VASH2: variants seen among roughly 807,000 people sequenced by gnomAD.
VASH2 encodes tubulinyl-Tyr carboxypeptidase 2.
VASH2 carries 28 observed loss-of-function variants against 37.2 expected under a neutral mutation model. The observed-to-expected ratio is 0.75, with a 90% CI of 0.56 to 1.03. The LOEUF is 1.03. Ranked by LOEUF, VASH2 falls within the 50% of genes least tolerant of loss-of-function variation. The pLI, the probability that VASH2 is intolerant of heterozygous loss-of-function variation, is 0.00. For missense variants in VASH2, 419 were observed against 459.1 expected, an observed-to-expected ratio of 0.91 and a Z score of 0.80; for synonymous variants, 188 against 174.7, an observed-to-expected ratio of 1.08 and a Z score of -0.60.
At chr1:212,982,746 C>A (rs1341304556) in intron 7 of VASH2, among the ~76,000 whole-genome samples, 1 of 152,216 alleles carries the variant, frequency 6.6e-6, no homozygotes, top group Non-Finnish European at 1.5e-5. Flanking sequence ...CACCAGGAAT[C>A]TCAGTTTAGC....
At chr1:212,982,047 A>G (rs1333597479) in intron 7 of VASH2, among the ~76,000 whole-genome samples, 2 of 152,162 alleles carry the variant, frequency 1.3e-5, no homozygotes, top group South Asian at 2.1e-4. Flanking sequence ...TTTTGACAGA[A>G]TAACTTCTCT....
Position 212,961,154 on chromosome 1 carries a change from A to C in VASH2, c.277-12A>C. The C allele has an allele frequency of 6.2e-7, 1 of 1,613,732 alleles. No individual in the cohort carries two copies. The highest frequency in any genetic ancestry group is 2.2e-5 in the East Asian group (1 of 44,852). On this transcript the variant is annotated splice_polypyrimidine_tract_variant and intron_variant, in intron 2 of 7. Transcript: ENST00000517399. ...CCTTCATAAACACCTCCTCTTCTCT[A>C]TTTTTCTGCAGCCTTCAATACCCCA...
chr1:212,984,534 C>G (rs963284808), intron 7 of VASH2, among the ~76,000 whole-genome samples: 1 of 152,136 alleles, frequency 6.6e-6, no homozygotes, highest in Admixed American at 6.6e-5. Flanking sequence ...TCTAGTCCAA[C>G]AACTTGAAAA....
chr1:212,962,479 TG>T (rs1197584879), intron 3 of VASH2, among the ~76,000 whole-genome samples: 1 of 152,216 alleles, frequency 6.6e-6, no homozygotes, highest in East Asian at 1.9e-4. Context: ...CAGGGGGCAC[TG>T]CACACATGCC....
intron 2 of VASH2, among the ~76,000 whole-genome samples, chr1:212,959,796 G>A (rs56289940): frequency 0.072 from 11,022 of 152,254 alleles, 681 homozygotes; most frequent in African/African-American, 0.15. Context: ...CCTCCCCAGC[G>A]GAGTCCCCTT....
intron 7 of VASH2, among the ~76,000 whole-genome samples, chr1:212,976,877 A>G (rs928630095): frequency 6.6e-5 from 10 of 152,156 alleles, no homozygotes; most frequent in African/African-American, 1.4e-4. Flanking sequence ...GGAAGAGGGC[A>G]TTCTCCTCCA....
intron 2 of VASH2, among the ~76,000 whole-genome samples, chr1:212,956,812 TTTC>T (rs1572057788): frequency 6.6e-6 from 1 of 152,212 alleles, no homozygotes; most frequent in South Asian, 2.1e-4. Context: ...ATTATTTGCT[TTTC>T]TTCTTTTGTG....
At chr1:212,964,922 G>GTTT (rs754917916) in intron 3 of VASH2, among the ~76,000 whole-genome samples, 7 of 138,062 alleles carry the variant, frequency 5.1e-5, no homozygotes, top group African/African-American at 1.6e-4. Flanking sequence ...TTTCTGCCAG[G>GTTT]TTTTTTTTTT....
intron 2 of VASH2, among the ~76,000 whole-genome samples, chr1:212,958,207 A>G (rs189295425): frequency 6.6e-6 from 1 of 151,874 alleles, no homozygotes; most frequent in Non-Finnish European, 1.5e-5. Flanking sequence ...TTGGAAGTGG[A>G]CCCTCCAGGC....
chr1:212,954,882 T>G (rs1666435291), intron 2 of VASH2, among the ~76,000 whole-genome samples: 1 of 152,224 alleles, frequency 6.6e-6, no homozygotes, highest in Admixed American at 6.5e-5. Context: ...ACATTGCATC[T>G]TAATGGTTGG....
intron 2 of VASH2, 133 bp from the exon 3 acceptor site, chr1:212,961,033 C>T (rs1558143101): frequency 3.7e-6 from 3 of 801,874 alleles, no homozygotes; most frequent in Non-Finnish European, 6.2e-6. Context: ...GTAACCACAC[C>T]AGGGTGACCA....
At chr1:212,981,167 T>C (rs1215896836) in intron 7 of VASH2, among the ~76,000 whole-genome samples, 1 of 152,204 alleles carries the variant, frequency 6.6e-6, no homozygotes, top group African/African-American at 2.4e-5. Flanking sequence ...AGTTGGCCTA[T>C]GGCCAGAGTC....
At chr1:212,967,385 G>T in intron 5 of VASH2, 1 of 1,198,048 alleles carries the variant, frequency 8.3e-7, no homozygotes. Flanking sequence ...GCCACAATCA[G>T]ATAGAAGAGC....
At chr1:212,966,038 T>A in intron 4 of VASH2, 1 of 600,484 alleles carries the variant, frequency 1.7e-6, no homozygotes, top group Non-Finnish European at 3.0e-6. Flanking sequence ...ATTTATTTGT[T>A]CTATTGTAAT....
intron 5 of VASH2, chr1:212,967,116 C>T (rs1666874441): frequency 7.7e-7 from 1 of 1,304,334 alleles, no homozygotes; most frequent in Non-Finnish European, 1.0e-6. Context: ...CTTGACAGAA[C>T]CCACAGCTAA....
rs1402619357 is a variant in VASH2 at position 212,991,086 on chromosome 1, C to A, written c.*2502C>A. 6.6e-6 allele frequency: 1 copy of A among 152,142 alleles called. No homozygotes were observed. The highest frequency in any genetic ancestry group is 2.4e-5 in the African/African-American group (1 of 41,430). The allele number at this position is 152,142 out of a possible 1,614,324, so 9.4% of individuals were successfully genotyped here. Reference sequence around the variant, plus strand: ...GTTTAAGCCATCATGGCAATATATGCAAAGTTTAAATGAATGACAGAAATC... The same window carrying A: ...GTTTAAGCCATCATGGCAATATATGAAAAGTTTAAATGAATGACAGAAATC... On this transcript the variant is annotated 3_prime_UTR_variant, in exon 8 of 8. Coordinates refer to ENST00000517399, the MANE Select transcript of VASH2 (RefSeq NM_001301056.2).
chr1:212,953,801 G>T (rs1175212834), intron 2 of VASH2, among the ~76,000 whole-genome samples: 11 of 152,166 alleles, frequency 7.2e-5, no homozygotes, highest in Admixed American at 7.2e-4. Context: ...TGATGCTAGA[G>T]GTCTGCTAGA....
Position 212,988,679 on chromosome 1 carries a change from C to G in VASH2, c.*95C>G, listed in dbSNP as rs1275394128. On this transcript the variant is annotated 3_prime_UTR_variant, in exon 8 of 8. Coordinates refer to ENST00000517399, the MANE Select transcript of VASH2 (RefSeq NM_001301056.2). The stretch of plus-strand genomic sequence containing the variant: ...AGGAACTGCAACTATTTATTAAGAA[C>G]TTGTGAATTTTATTTTTAAGGATTC... The G allele has an allele frequency of 6.2e-6, 8 of 1,285,738 alleles. No homozygotes were observed. The highest frequency in any genetic ancestry group is 2.2e-6 in the Non-Finnish European group (2 of 898,672). The allele number at this position is 1,285,738 out of a possible 1,614,324, so 79.6% of individuals were successfully genotyped here.
intron 4 of VASH2, 57 bp downstream of exon 4, chr1:212,965,835 G>A: frequency 1.3e-6 from 2 of 1,484,344 alleles, no homozygotes; most frequent in Middle Eastern, 1.7e-4. Flanking sequence ...CGAGCTGCCA[G>A]CTTCCTCTCC....
Sources: allele counts gnomAD v4.1 joint callset (sites outside exome capture counted in the v4.1 genomes callset), GRCh38; gene constraint gnomAD v4.1.1; transcripts MANE v1.5; gene names NCBI Gene and HGNC (gene_info 2026-07-23, HGNC 2026-07-21).